Variants in TBXAS1 observed in about 807,000 individuals in gnomAD.
TBXAS1 encodes thromboxane A synthase 1, also known as thromboxane-A synthase.
Under a neutral mutation model 60.7 loss-of-function variants are expected in TBXAS1, and 48 were observed. The observed-to-expected ratio is 0.79, with a 90% CI of 0.63 to 1.01. TBXAS1 has a LOEUF of 1.01. Among genes scored for constraint, TBXAS1 ranks in the 50% least tolerant of loss-of-function variants. The probability of loss-of-function intolerance (pLI) is 0.00; values close to 1 mark genes in which losing one functional copy is unlikely to be tolerated. For missense variants in TBXAS1, 685 were observed against 686.3 expected (o/e 1.00, Z 0.02); for synonymous variants, 287 against 269.7 (o/e 1.06, Z -0.63).
At chr7:139,890,526 T>A (rs1272900768) in intron 3 of TBXAS1, among the ~76,000 whole-genome samples, 1 of 152,156 alleles carries the variant, frequency 6.6e-6, no homozygotes, top group African/African-American at 2.4e-5. Flanking sequence ...GGATGCAGTC[T>A]TTATTTGACC....
chr7:139,840,870 C>T (rs1436055115), intron 1 of TBXAS1, among the ~76,000 whole-genome samples: 1 of 152,220 alleles, frequency 6.6e-6, no homozygotes, highest in Admixed American at 6.5e-5. Context: ...CCCTCACCAT[C>T]CATAGGAATG....
rs541356635 is a variant in TBXAS1 at position 139,798,411 on chromosome 7, G to A, written c.-80+10985G>A. 1.1e-4 allele frequency among the ~76,000 whole-genome samples: 17 copies of A among 152,304 alleles called. No individual in the cohort carries two copies. The East Asian group carries it at 2.7e-3, about 24-fold the overall frequency. On this transcript the variant is annotated intron_variant, in intron 4 of 16. Coordinates refer to the TBXAS1 transcript ENST00000336425. Reference sequence around the variant, plus strand: ...CTGTGCTGTGAGCAGAGGAAGCCAGGTGTATTGTTCCTGAAACTACGTTAT... The same window carrying A: ...CTGTGCTGTGAGCAGAGGAAGCCAGATGTATTGTTCCTGAAACTACGTTAT...
chr7:139,812,987 G>A (rs576856869), intron 4 of TBXAS1, among the ~76,000 whole-genome samples: 2 of 152,058 alleles, frequency 1.3e-5, no homozygotes, highest in South Asian at 4.2e-4. Flanking sequence ...AACCGGGGTG[G>A]CGGAGGTTGC....
In TBXAS1 at chr7:140,013,276, A is replaced by T. The variant is rs563293062; in HGVS notation, c.1227-2447A>T. Among the ~76,000 whole-genome samples, 30 of 152,270 alleles carry T rather than the reference A, an allele frequency of 2.0e-4. No individual in the cohort carries two copies. Among genetic ancestry groups the T allele is most frequent in the Admixed American group, 9.1e-4 (14 of 15,304 alleles). On this transcript the variant is annotated intron_variant, in intron 10 of 12. Transcript: ENST00000448866. This position sits in a 1 kb window ranked among gnomAD's most constrained non-coding sequence, Gnocchi z 4.2. ...TTGCTCAGACAAATTAGTTTGCATT[A>T]ATTTCCTGAAGCCAACAGTGAAGCT...
At chr7:139,905,305 G>T (rs899816661) in intron 3 of TBXAS1, among the ~76,000 whole-genome samples, 1 of 151,930 alleles carries the variant, frequency 6.6e-6, no homozygotes, top group African/African-American at 2.4e-5. Context: ...TGCCGATTTT[G>T]CTGAGAGTTT....
chr7:139,796,075 A>G (rs1036515403), intron 4 of TBXAS1, among the ~76,000 whole-genome samples: 2 of 152,170 alleles, frequency 1.3e-5, no homozygotes, highest in South Asian at 2.1e-4. Flanking sequence ...TTGCTTTTCT[A>G]GATCACATTT....
At chr7:139,793,138 G>T (rs781647697) in intron 4 of TBXAS1, among the ~76,000 whole-genome samples, 5 of 152,218 alleles carry the variant, frequency 3.3e-5, no homozygotes, top group Non-Finnish European at 5.9e-5. Flanking sequence ...AACTGGGCCA[G>T]GTGCAGTGGG....
chr7:139,879,832 TTGTG>T (rs57176056), intron 3 of TBXAS1, among the ~76,000 whole-genome samples: 7,297 of 140,404 alleles, frequency 0.052, 217 homozygotes, highest in Middle Eastern at 0.12. Context: ...TTATCTCATT[TTGTG>T]TGTGTGTGTG....
Position 140,007,234 on chromosome 7 carries a change from C to A in TBXAS1, c.1226+52C>A, listed in dbSNP as rs540656758. Reference sequence around the variant, plus strand: ...GAGTCCCCACCTCCTACCCCTACCCCCTGCCCCAGCCTGCAGGTCAGGGCC... The same window carrying A: ...GAGTCCCCACCTCCTACCCCTACCCACTGCCCCAGCCTGCAGGTCAGGGCC... On this transcript the variant is annotated intron_variant, in intron 10 of 12. Transcript: ENST00000448866. 85 of 1,530,508 alleles carry A rather than the reference C, an allele frequency of 5.6e-5. 2 individuals carry two copies. In the South Asian group the frequency reaches 9.2e-4, roughly 17 times the overall value. 94.8% of individuals were successfully genotyped at this position (1,530,508 alleles called of 1,614,324 possible). A position where few individuals can be genotyped will look rare whatever the true frequency, so the allele number is the denominator to read the frequency against.
rs183982245 is a variant in TBXAS1 at position 139,958,428 on chromosome 7, T to C, written c.819+664T>C. ...GAGGAGTTTTCAGTGGGAAGAAAGG[T>C]CATTTCAATACTGGATATGCATATG... On this transcript the variant is annotated intron_variant, in intron 8 of 12. Transcript: ENST00000448866. Among the ~76,000 whole-genome samples, 4 of 152,320 alleles carry C rather than the reference T, an allele frequency of 2.6e-5. No individual in the cohort carries two copies. The East Asian group carries it at 7.7e-4, about 29-fold the overall frequency.
At chr7:139,883,425 TC>T (rs966937236) in intron 3 of TBXAS1, among the ~76,000 whole-genome samples, 7 of 152,160 alleles carry the variant, frequency 4.6e-5, no homozygotes, top group Non-Finnish European at 1.0e-4. Context: ...CCAGTTCATT[TC>T]CCCCCATCCT....
chr7:139,928,520 A>G (rs17180267), intron 4 of TBXAS1, among the ~76,000 whole-genome samples: 3,535 of 152,356 alleles, frequency 0.023, 68 homozygotes, highest in Non-Finnish European at 0.036. Context: ...CTCTGTGCAC[A>G]TTAACTATTC....
chr7:139,849,065 T>C (rs142614202), intron 1 of TBXAS1, among the ~76,000 whole-genome samples: 390 of 152,126 alleles, frequency 2.6e-3, no homozygotes, highest in African/African-American at 8.4e-3. Context: ...ACAGTGACTC[T>C]CTGGGGGAAA....
chr7:139,834,522 A>C (rs888406058), intron 1 of TBXAS1, among the ~76,000 whole-genome samples: 1 of 152,198 alleles, frequency 6.6e-6, no homozygotes, highest in Non-Finnish European at 1.5e-5. Context: ...AAGATAAATT[A>C]AACAAAAAAC....
At position 140,005,354 on chromosome 7, in the gene TBXAS1, G is replaced by A. The variant is rs554123733; in HGVS notation, c.1135-1737G>A. Among the ~76,000 whole-genome samples, 4 of 151,058 alleles carry A rather than the reference G, an allele frequency of 2.6e-5. No individual in the cohort carries two copies. The South Asian group carries it at 8.4e-4, about 32-fold the overall frequency. On this transcript the variant is annotated intron_variant, in intron 9 of 12. Transcript: ENST00000448866. ...TGAAGCAGGAGAATCACTTGAACCC[G>A]GGAGGTGGAGGATGCAGTGAGCCGA...
rs1190019579 is a variant in TBXAS1, at chr7:139,952,713, A to G, written c.451-655A>G. On this transcript the variant is annotated intron_variant, in intron 5 of 12. Transcript: ENST00000448866. Reference sequence around the variant, plus strand: ...TGTAAGTTAGGAATTTTCTAACATAAAAGTATTTTCCTATTAAAAAAAAGA... The same window carrying G: ...TGTAAGTTAGGAATTTTCTAACATAGAAGTATTTTCCTATTAAAAAAAAGA... The G allele has an allele frequency of 4.0e-6, 6 of 1,505,600 alleles. No homozygotes were observed. The African/African-American group carries it at 8.4e-5, about 21-fold the overall frequency. The allele number at this position is 1,505,600 out of a possible 1,614,324, so 93.3% of individuals were successfully genotyped here. A position where few individuals can be genotyped will look rare whatever the true frequency, so the allele number is the denominator to read the frequency against.
At chr7:139,974,295 G>A (rs1292178930) in intron 9 of TBXAS1, among the ~76,000 whole-genome samples, 1 of 152,218 alleles carries the variant, frequency 6.6e-6, no homozygotes, top group Non-Finnish European at 1.5e-5. Context: ...TCTTAAGGCA[G>A]TTCTCACCCC....
intron 9 of TBXAS1, among the ~76,000 whole-genome samples, chr7:140,003,684 A>C (rs1315138337): frequency 1.3e-5 from 2 of 152,218 alleles, no homozygotes; most frequent in Non-Finnish European, 2.9e-5. Flanking sequence ...CGGGGAACCA[A>C]CACCATTTAC....
intron 1 of TBXAS1, among the ~76,000 whole-genome samples, chr7:139,846,202 C>T (rs1799791427): frequency 6.6e-6 from 1 of 152,154 alleles, no homozygotes; most frequent in Non-Finnish European, 1.5e-5. Context: ...TAAACTACTC[C>T]CGAGCACTTC....
Sources: allele counts gnomAD v4.1 joint callset (sites outside exome capture counted in the v4.1 genomes callset), GRCh38; gene constraint gnomAD v4.1.1; non-coding constraint Gnocchi (gnomAD v3.1); transcripts MANE v1.5; gene names NCBI Gene and HGNC (gene_info 2026-07-23, HGNC 2026-07-21).